Variants in TOP2A observed in about 807,000 individuals in gnomAD.
The protein encoded by TOP2A is DNA topoisomerase II alpha, also known as DNA topoisomerase 2-alpha.
TOP2A carries 68 observed loss-of-function variants against 187.2 expected under a neutral mutation model. The observed-to-expected ratio is 0.36, with a 90% CI of 0.30 to 0.44. The LOEUF is 0.44. Among genes scored for constraint, TOP2A ranks in the 20% least tolerant of loss-of-function variants. TOP2A has a pLI of 1.00. For synonymous variants in TOP2A, 542 were observed against 593.2 expected (o/e 0.91, Z 1.25); for missense variants, 1,196 against 1,808.7 (o/e 0.66, Z 6.14).
intron 32 of TOP2A, 42 bp downstream of exon 32, chr17:40,392,026 C>T: frequency 6.3e-7 from 1 of 1,587,412 alleles, no homozygotes; most frequent in Non-Finnish European, 8.6e-7. Flanking sequence ...TCTGAGTGTC[C>T]CAGTAAGGCA....
chr17:40,407,655 A>G lies in TOP2A; in HGVS notation c.1520T>C (p.Ile507Thr). 1 of 1,580,188 alleles carries G rather than the reference A, an allele frequency of 6.3e-7. No individual in the cohort carries two copies. Among genetic ancestry groups the G allele is most frequent in the Non-Finnish European group, 8.5e-7 (1 of 1,169,830 alleles). ...SHKQIMENAE[I>T]NNIIKIVGLQ... ...ACCCACAATCTTGATGATATTGTTA[A>G]TCTCAGCATTTTCCATGATCTGAAA... The change falls in exon 13 of 35, where the codon ATT (isoleucine) becomes ACT (threonine). Residue 507 changes from isoleucine (I) to threonine (T), a missense_variant. By Grantham distance (89) the Ile-to-Thr change is moderately conservative (BLOSUM62 -1). Around this residue, in one of 10 missense-constraint regions of TOP2A, gnomAD observed 252 missense variants for 434.8 expected, o/e 0.58. Coordinates refer to ENST00000423485, the MANE Select transcript of TOP2A (RefSeq NM_001067.4).
chr17:40,396,653 G>T (rs1359195328), intron 27 of TOP2A, among the ~76,000 whole-genome samples, 188 bp from the exon 28 acceptor site: 1 of 152,186 alleles, frequency 6.6e-6, no homozygotes, highest in East Asian at 1.9e-4. Context: ...GGAAGGTGTG[G>T]AGACAGAAGG....
At chr17:40,400,094 C>G (rs946224344) in intron 23 of TOP2A, 27 bp from the exon 24 acceptor site, 9 of 1,597,336 alleles carry the variant, frequency 5.6e-6, no homozygotes, top group Middle Eastern at 1.7e-4. Context: ...AGATTAGAGC[C>G]AAGAATAGAC....
chr17:40,416,748 C>T lies in TOP2A; in HGVS notation c.169G>A (p.Val57Met). 1 of 1,605,788 alleles carries T rather than the reference C, an allele frequency of 6.2e-7. No homozygotes were observed. ...PDTYIGSVEL[V>M]TQQMWVYDED... is the part of the protein sequence containing the mutation. ...GATGAGCTTGATTTTACCTGGGTCA[C>T]TAATTCCACAGAACCAATGTAGGTG... The change falls in exon 2 of 35, where the codon GTG (valine) becomes ATG (methionine). Residue 57 changes from valine to methionine, a missense_variant. Physicochemically the swap from Val to Met is conservative, Grantham distance 21 (BLOSUM62 1). Around this residue, in one of 10 missense-constraint regions of TOP2A, gnomAD observed 97 missense variants for 171.0 expected, o/e 0.57. Coordinates refer to ENST00000423485, the MANE Select transcript of TOP2A (RefSeq NM_001067.4).
rs1450701317 is a variant in TOP2A, at chr17:40,417,729, C to A, written c.21+42G>T. ...ACGGGCGGCCAGAGAGATGCCCGGGCCGCGCGGAGGCTCCACCGCCAGTCC... is the reference window on the plus strand; with the variant it reads ...ACGGGCGGCCAGAGAGATGCCCGGGACGCGCGGAGGCTCCACCGCCAGTCC... On this transcript the variant is annotated intron_variant, in intron 1 of 34. Coordinates refer to ENST00000423485, the MANE Select transcript of TOP2A (RefSeq NM_001067.4). The A allele has an allele frequency of 4.3e-6, 7 of 1,611,070 alleles. No individual in the cohort carries two copies. The African/African-American group carries it at 8.0e-5, about 18-fold the overall frequency.
At chr17:40,392,860 A>T in intron 29 of TOP2A, 123 bp from the exon 30 acceptor site, 6 of 822,544 alleles carry the variant, frequency 7.3e-6, no homozygotes, top group Non-Finnish European at 1.1e-5. Context: ...TCGTGAAAAG[A>T]GACAGATATG....
intron 16 of TOP2A, among the ~76,000 whole-genome samples, chr17:40,405,472 T>TTTTA (rs2035229679): frequency 6.7e-6 from 1 of 148,974 alleles, no homozygotes; most frequent in Non-Finnish European, 1.5e-5. Flanking sequence ...TTTTTTTTTT[T>TTTTA]GAGACAGAGT....
At chr17:40,402,538 G>A (rs1248851361) in intron 20 of TOP2A, among the ~76,000 whole-genome samples, 1 of 152,218 alleles carries the variant, frequency 6.6e-6, no homozygotes, top group African/African-American at 2.4e-5. Flanking sequence ...GAAGGATGGA[G>A]CAATTAGTAA....
chr17:40,407,080 A>C, intron 13 of TOP2A, 138 bp from the exon 14 acceptor site: 2 of 590,388 alleles, frequency 3.4e-6, no homozygotes, highest in South Asian at 1.9e-5. Flanking sequence ...CCTGGCCAAC[A>C]TGGTGAAACC....
chr17:40,406,264 A>G (rs2035243444), intron 16 of TOP2A, 120 bp downstream of exon 16: 5 of 729,424 alleles, frequency 6.9e-6, no homozygotes, highest in Non-Finnish European at 8.5e-6. Flanking sequence ...GAAACATTCT[A>G]TTCTATAAAA....
intron 21 of TOP2A, 88 bp from the exon 22 acceptor site, chr17:40,400,751 T>C: frequency 6.5e-7 from 1 of 1,537,678 alleles, no homozygotes; most frequent in Non-Finnish European, 8.8e-7. Flanking sequence ...ATCTAAAGTA[T>C]GAAATTAAAT....
At chr17:40,405,923 C>T (rs1022978639) in intron 16 of TOP2A, among the ~76,000 whole-genome samples, 2 of 151,364 alleles carry the variant, frequency 1.3e-5, no homozygotes, top group Non-Finnish European at 2.9e-5. Context: ...CGTGCCACCA[C>T]GGCCGGCTAA....
At chr17:40,406,796 T>C in intron 14 of TOP2A, 36 bp downstream of exon 14, 2 of 1,588,312 alleles carry the variant, frequency 1.3e-6, no homozygotes, top group Non-Finnish European at 1.7e-6. Context: ...AGTAGGGTCT[T>C]AAAATATCCA....
In TOP2A at chr17:40,416,813, T is replaced by C. The variant is rs1416728144; in HGVS notation, c.104A>G (p.Gln35Arg). Residue 35 changes from glutamine to arginine, a missense_variant, in exon 2 of 35, where the codon CAA becomes CGA. Around this residue, in one of 10 missense-constraint regions of TOP2A, gnomAD observed 97 missense variants for 171.0 expected, o/e 0.57. Transcript: ENST00000423485. ...KKRLSVERIY[Q>R]KKTQLEHILL... ...AATATGTTCCAATTGTGTTTTCTTT[T>C]GATAGATTCTTTCAACAGACAGTCT... 1.4e-5 allele frequency: 22 copies of C among 1,613,460 alleles called. No homozygotes were observed. Among genetic ancestry groups the C allele is most frequent in the Non-Finnish European group, 1.8e-5 (21 of 1,179,784 alleles).
Position 40,407,620 on chromosome 17 carries a change from T to G in TOP2A, c.1555A>C (p.Lys519Gln). The change falls in exon 13 of 35, where the codon AAG (lysine) becomes CAG (glutamine). Residue 519 changes from lysine (K) to glutamine (Q), a missense_variant. This residue lies in a region of TOP2A where 252 missense variants were observed against 434.8 expected (regional missense o/e 0.58). Transcript: ENST00000423485. ...GAATCTTCATCTTCATAGTTTTTCT[T>G]GTACTGAAGACCCACAATCTTGATG... ...NIIKIVGLQYKKNYEDEDSLK... is the reference protein window; with the variant it reads ...NIIKIVGLQYQKNYEDEDSLK... 1.3e-6 allele frequency: 2 copies of G among 1,597,664 alleles called. No homozygotes were observed. The highest frequency in any genetic ancestry group is 1.7e-6 in the Non-Finnish European group (2 of 1,174,520).
chr17:40,405,211 C>A (rs2035225000), intron 16 of TOP2A, among the ~76,000 whole-genome samples: 2 of 149,956 alleles, frequency 1.3e-5, no homozygotes, highest in Admixed American at 1.3e-4. Context: ...AATGTGATGG[C>A]ACGATTTCGG....
At chr17:40,396,125 G>A (rs773295127) in intron 28 of TOP2A, among the ~76,000 whole-genome samples, 158 bp downstream of exon 28, 8 of 151,460 alleles carry the variant, frequency 5.3e-5, no homozygotes, top group East Asian at 2.0e-4. Context: ...GATTACAGGC[G>A]CCTGCCACCA....
At chr17:40,413,960 A>G (rs1331883533) in intron 4 of TOP2A, among the ~76,000 whole-genome samples, 1 of 151,978 alleles carries the variant, frequency 6.6e-6, no homozygotes, top group African/African-American at 2.4e-5. Flanking sequence ...CCCAGCCCTC[A>G]ATTTTTTTGG....
chr17:40,403,922 T>C (rs1183313831), intron 19 of TOP2A, among the ~76,000 whole-genome samples: 1 of 152,244 alleles, frequency 6.6e-6, no homozygotes, highest in African/African-American at 2.4e-5. Flanking sequence ...AAAGTTATAA[T>C]AAACATACTA....
Sources: gnomAD v4.1 joint callset for allele counts (sites outside exome capture counted in the v4.1 genomes callset) on GRCh38, gnomAD v4.1.1 for gene constraint, gnomAD v4.1.1 regional missense constraint, MANE v1.5 for transcripts, NCBI Gene and HGNC (gene_info 2026-07-23, HGNC 2026-07-21) for gene names.